The following FHAD1 variants were observed in gnomAD, a reference collection of about 807,000 sequenced individuals.
FHAD1 encodes forkhead-associated domain-containing protein 1.
FHAD1 carries 146 observed loss-of-function variants against 191.3 expected under a neutral mutation model. The observed-to-expected ratio is 0.76, with a 90% CI of 0.67 to 0.88. The LOEUF (loss-of-function observed/expected upper bound fraction) is 0.88, where lower values mean the gene tolerates loss of function less well. Ranked by LOEUF, FHAD1 falls within the 40% of genes least tolerant of loss-of-function variation. The probability of loss-of-function intolerance (pLI) is 0.00; values close to 1 mark genes in which losing one functional copy is unlikely to be tolerated. For missense variants in FHAD1, 1,635 were observed against 1,785.8 expected (o/e 0.92, Z 1.52); for synonymous variants, 616 against 672.3 (o/e 0.92, Z 1.29).
Position 15,328,273 on chromosome 1 carries a change from C to G in FHAD1, c.1558-4C>G. 1 of 1,378,628 alleles carries G rather than the reference C, an allele frequency of 7.3e-7. No homozygotes were observed. Among genetic ancestry groups the G allele is most frequent in the Non-Finnish European group, 9.5e-7 (1 of 1,050,608 alleles). 85.4% of individuals were successfully genotyped at this position (1,378,628 alleles called of 1,614,324 possible). On this transcript the variant is annotated splice_region_variant and splice_polypyrimidine_tract_variant and intron_variant, in intron 12 of 33. Coordinates refer to ENST00000688493, the MANE Select transcript of FHAD1 (RefSeq NM_001391957.1). ...TTTTTTTTCCTTTTTCTTTTTCTCA[C>G]CAGTTAATAGAGAAAATTACCCAGG... is the stretch of plus-strand genomic sequence containing the variant.
chr1:15,398,860 G>C (rs1373482688), downstream of FHAD1, among the ~76,000 whole-genome samples: 1 of 148,860 alleles, frequency 6.7e-6, no homozygotes, highest in Non-Finnish European at 1.5e-5. Flanking sequence ...CACTCTGGTC[G>C]CCCAGGCTGG....
chr1:15,328,215 G>T, intron 12 of FHAD1, 62 bp from the exon 13 acceptor site: 2 of 1,347,404 alleles, frequency 1.5e-6, no homozygotes, highest in South Asian at 1.7e-5. Context: ...CCTTCCCTCA[G>T]GGCCCCCCAC....
At chr1:15,363,737 C>T (rs1406826074) in intron 23 of FHAD1, 1 of 456,402 alleles carries the variant, frequency 2.2e-6, no homozygotes, top group East Asian at 6.9e-5. Flanking sequence ...ACCCTGAAAG[C>T]CAGTGAGTCT....
At chr1:15,302,059 C>G (rs550843963) in intron 6 of FHAD1, among the ~76,000 whole-genome samples, 3 of 152,268 alleles carry the variant, frequency 2.0e-5, no homozygotes, top group Admixed American at 2.0e-4. Context: ...CAGAGACACC[C>G]AGGAACTGCT....
intron 18 of FHAD1, among the ~76,000 whole-genome samples, chr1:15,347,190 G>C (rs141718782): frequency 6.6e-6 from 1 of 152,196 alleles, no homozygotes; most frequent in Admixed American, 6.5e-5. Context: ...TTTCTCCAGG[G>C]GTGGGGATGA....
intron 2 of FHAD1, among the ~76,000 whole-genome samples, chr1:15,260,759 A>C (rs1232703657): frequency 2.6e-5 from 4 of 151,808 alleles, no homozygotes; most frequent in Non-Finnish European, 5.9e-5. Context: ...CATCTCTCCA[A>C]CTCCAGCCAG....
chr1:15,360,899 G>A (rs1264900516), intron 22 of FHAD1, among the ~76,000 whole-genome samples, 196 bp downstream of exon 22: 1 of 152,162 alleles, frequency 6.6e-6, no homozygotes, highest in East Asian at 1.9e-4. Flanking sequence ...CAGAAGTCAT[G>A]GCAATGAGTT....
downstream of FHAD1, among the ~76,000 whole-genome samples, chr1:15,399,005 A>G (rs180887589): frequency 1.2e-4 from 18 of 152,176 alleles, no homozygotes; most frequent in African/African-American, 4.3e-4. Context: ...TATTTTTAGT[A>G]GAGATGGGGT....
At position 15,318,718 on chromosome 1, in the gene FHAD1, C is replaced by T. The variant is rs1272958195; in HGVS notation, c.1365+790C>T. Among the ~76,000 whole-genome samples the T allele has an allele frequency of 5.3e-5, 8 of 152,156 alleles. No individual in the cohort carries two copies. The highest frequency in any genetic ancestry group is 4.6e-4 in the Admixed American group (7 of 15,282). ...CCACGTTCCAAGTGCATAGTAGCCA[C>T]GTGTAGCTGGTGGCTGCTGCACTGG... is the stretch of plus-strand genomic sequence containing the variant. On this transcript the variant is annotated intron_variant, in intron 10 of 33. Transcript: ENST00000688493. The surrounding 1 kb of genome is among the most constrained non-coding windows in gnomAD (Gnocchi z 4.1).
chr1:15,271,206 G>T (rs7549801), intron 2 of FHAD1, among the ~76,000 whole-genome samples: 6 of 147,344 alleles, frequency 4.1e-5, no homozygotes, highest in Admixed American at 6.7e-5. Flanking sequence ...CCAGCTACTC[G>T]GGAGGCTGAG....
At chr1:15,286,105 T>C (rs1662317870) in intron 3 of FHAD1, among the ~76,000 whole-genome samples, 1 of 152,228 alleles carries the variant, frequency 6.6e-6, no homozygotes, top group Non-Finnish European at 1.5e-5. Flanking sequence ...GATGAAAAAG[T>C]TCTAGAGATC....
chr1:15,378,961 G>A (rs1426208176), intron 28 of FHAD1, among the ~76,000 whole-genome samples: 3 of 152,134 alleles, frequency 2.0e-5, no homozygotes, highest in Admixed American at 6.5e-5. Flanking sequence ...GCAAGCAGCC[G>A]GCTGAGCAGG....
chr1:15,251,674 T>G (rs1042631212), intron 1 of FHAD1, 97 bp from the exon 2 acceptor site: 1 of 938,864 alleles, frequency 1.1e-6, no homozygotes, highest in Admixed American at 2.6e-5. Context: ...ACTTTGGACA[T>G]GACTCTGTGG....
At chr1:15,350,475 G>A (rs1213123927) in intron 19 of FHAD1, among the ~76,000 whole-genome samples, 1 of 152,250 alleles carries the variant, frequency 6.6e-6, no homozygotes, top group Non-Finnish European at 1.5e-5. Context: ...GGTAGACGGG[G>A]GAGACTGTGT....
chr1:15,398,330 T>A (rs1706623265), downstream of FHAD1, among the ~76,000 whole-genome samples: 1 of 151,682 alleles, frequency 6.6e-6, no homozygotes. Flanking sequence ...CACCAATCAG[T>A]TTTATTGCTT....
At chr1:15,243,528 C>T (rs1198618530), upstream of FHAD1, among the ~76,000 whole-genome samples, 1 of 152,204 alleles carries the variant, frequency 6.6e-6, no homozygotes, top group Non-Finnish European at 1.5e-5. Context: ...AATGCAAGGG[C>T]AGCAGGAGAA....
chr1:15,387,922 T>C, intron 31 of FHAD1, 129 bp from the exon 32 acceptor site: 2 of 405,110 alleles, frequency 4.9e-6, no homozygotes, highest in Non-Finnish European at 9.6e-6. Flanking sequence ...AGTGATCCCT[T>C]ATCTTCTGCC....
intron 1 of FHAD1, among the ~76,000 whole-genome samples, chr1:15,239,522 A>G (rs1311739264): frequency 6.6e-6 from 1 of 152,168 alleles, no homozygotes. Flanking sequence ...TGGGAGGCGG[A>G]GGTCACAGTG....
intron 14 of FHAD1, among the ~76,000 whole-genome samples, chr1:15,335,864 A>C (rs1466852130): frequency 6.6e-6 from 1 of 152,122 alleles, no homozygotes; most frequent in East Asian, 1.9e-4. Context: ...ATCCTCAGCT[A>C]CCTCTCCCCT....
Sources: gnomAD v4.1 joint callset for allele counts (sites outside exome capture counted in the v4.1 genomes callset) on GRCh38, gnomAD v4.1.1 for gene constraint, Gnocchi (gnomAD v3.1) non-coding constraint, MANE v1.5 for transcripts, NCBI Gene and HGNC (gene_info 2026-07-23, HGNC 2026-07-21) for gene names.